The following GNB4 variants were observed in gnomAD, a reference collection of about 807,000 sequenced individuals.
The protein encoded by GNB4 is guanine nucleotide-binding protein subunit beta-4.
In GNB4, 28 loss-of-function variants were observed where a neutral mutation model predicts 45.2. That is an observed-to-expected ratio of 0.62 (90% CI 0.46 to 0.85). The LOEUF is 0.85. GNB4 is among the 40% of genes least tolerant of loss of function. The pLI is 0.00. For synonymous variants in GNB4, 132 were observed against 143.7 expected (o/e 0.92, Z 0.58); for missense variants, 321 against 425.4 (o/e 0.75, Z 2.16).
At chr3:179,442,580 G>A (rs570160460) in intron 1 of GNB4, among the ~76,000 whole-genome samples, 146 of 150,936 alleles carry the variant, frequency 9.7e-4, no homozygotes, top group Admixed American at 2.6e-3. Flanking sequence ...TTTTTTATAC[G>A]ACCACATGTA....
chr3:179,467,628 G>A, the GNB4 span, among the ~76,000 whole-genome samples: 8 of 152,102 alleles, frequency 5.3e-5, no homozygotes, highest in Non-Finnish European at 8.8e-5. Context: ...TTTACTCAAG[G>A]TTCAAGTCAT....
chr3:179,485,713 G>A, the GNB4 span, among the ~76,000 whole-genome samples: 103 of 152,136 alleles, frequency 6.8e-4, 1 homozygote, highest in Non-Finnish European at 8.4e-4. Flanking sequence ...GGCCGAGGTG[G>A]GTGGCTTACT....
chr3:179,482,395 G>A, the GNB4 span, among the ~76,000 whole-genome samples: 1 of 152,154 alleles, frequency 6.6e-6, no homozygotes, highest in Admixed American at 6.5e-5. Flanking sequence ...CTCTTGAGTG[G>A]TGATGACGCA....
chr3:179,481,489 T>TA, the GNB4 span, among the ~76,000 whole-genome samples: 4 of 151,956 alleles, frequency 2.6e-5, no homozygotes, highest in Non-Finnish European at 4.4e-5. Context: ...GCTTCTTTTA[T>TA]AAAAAACTTT....
the GNB4 span, among the ~76,000 whole-genome samples, chr3:179,519,840 T>C: frequency 6.6e-6 from 1 of 152,146 alleles, no homozygotes; most frequent in Admixed American, 6.5e-5. Flanking sequence ...CCCTGCTCAA[T>C]GCCAATATCC....
the GNB4 span, among the ~76,000 whole-genome samples, chr3:179,489,165 A>G: frequency 6.7e-6 from 1 of 150,204 alleles, no homozygotes; most frequent in Non-Finnish European, 1.5e-5. Flanking sequence ...ATATCAATTA[A>G]AAGGCATAGT....
chr3:179,415,009 G>A lies in GNB4; in HGVS notation c.306C>T (p.Thr102=). Residue 102 remains threonine, a synonymous_variant, in exon 6 of 10, where the codon ACC becomes ACT. Coordinates refer to ENST00000232564, the MANE Select transcript of GNB4 (RefSeq NM_021629.4). ...AIPLRSSWVM[T]CAYAPSGNYV... is the part of the protein sequence containing the mutation. ...AATTACCAGAGGGAGCATAAGCACA[G>A]GTCATCACCCAGGAGGACCTCAAAG... The A allele has an allele frequency of 6.2e-7, 1 of 1,609,416 alleles. No individual in the cohort carries two copies. Among genetic ancestry groups the A allele is most frequent in the Non-Finnish European group, 8.5e-7 (1 of 1,176,922 alleles).
chr3:179,486,951 A>G, the GNB4 span, among the ~76,000 whole-genome samples: 1 of 152,262 alleles, frequency 6.6e-6, no homozygotes, highest in Non-Finnish European at 1.5e-5. Context: ...ACTTCTTTCA[A>G]AAACATATTG....
chr3:179,526,493 C>A, the GNB4 span, among the ~76,000 whole-genome samples: 2 of 152,166 alleles, frequency 1.3e-5, no homozygotes, highest in African/African-American at 2.4e-5. Flanking sequence ...GATCAAATAT[C>A]CCTCAGAAGA....
rs116068524 is a variant in GNB4, at chr3:179,413,275, T to C, written c.699+137A>G. The C allele has an allele frequency of 3.8e-3, 2,556 of 668,664 alleles. 46 individuals carry two copies. In the African/African-American group the frequency reaches 0.041, roughly 11 times the overall value. The allele number at this position is 668,664 out of a possible 1,614,324, so 41.4% of individuals were successfully genotyped here. A position where few individuals can be genotyped will look rare whatever the true frequency, so the allele number is the denominator to read the frequency against. On this transcript the variant is annotated intron_variant, in intron 8 of 9. Coordinates refer to ENST00000232564, the MANE Select transcript of GNB4 (RefSeq NM_021629.4). The stretch of plus-strand genomic sequence containing the variant: ...TCTTTTTTAAAAAATCAAAAACCCT[T>C]ATGACTTGGAGATTCAAAGTTATAA...
At chr3:179,514,479 C>T in the GNB4 span, among the ~76,000 whole-genome samples, 2 of 152,164 alleles carry the variant, frequency 1.3e-5, no homozygotes, top group African/African-American at 4.8e-5. Flanking sequence ...GGGTGTGAAG[C>T]TGACAGAGTG....
chr3:179,420,926 T>C lies in GNB4; in HGVS notation c.59A>G (p.Asp20Gly), dbSNP rs1248718699. 2 of 1,575,566 alleles carry C rather than the reference T, an allele frequency of 1.3e-6. No individual in the cohort carries two copies. Among genetic ancestry groups the C allele is most frequent in the Admixed American group, 1.7e-5 (1 of 58,088 alleles). ...EAEQLRNQIQ[D>G]ARKACNDATL... ...TGCATCATTACATGCTTTCCGAGCA[T>C]CCTGAAGTAAAAAAATATGATTATA... The change falls in exon 3 of 10, where the codon GAT (aspartate) becomes GGT (glycine). Residue 20 changes from aspartate to glycine, a missense_variant and splice_region_variant. By Grantham distance (94) the Asp-to-Gly change is moderately conservative. Transcript: ENST00000232564.
At chr3:179,425,627 C>T (rs1338922334) in intron 2 of GNB4, among the ~76,000 whole-genome samples, 8 of 152,012 alleles carry the variant, frequency 5.3e-5, no homozygotes, top group East Asian at 1.9e-4. Context: ...TGCACCACCA[C>T]GCCTGGCTAA....
At chr3:179,478,800 C>A in the GNB4 span, among the ~76,000 whole-genome samples, 1 of 152,176 alleles carries the variant, frequency 6.6e-6, no homozygotes, top group South Asian at 2.1e-4. Flanking sequence ...GTGATTGGAT[C>A]ATGGGGCAGA....
At chr3:179,465,787 G>T in the GNB4 span, among the ~76,000 whole-genome samples, 2 of 146,396 alleles carry the variant, frequency 1.4e-5, no homozygotes, top group African/African-American at 2.5e-5. Context: ...GCCTTAAATA[G>T]ATAATTTTTT....
chr3:179,451,079 G>C (rs1392178349), intron 1 of GNB4: 1 of 152,166 alleles, frequency 6.6e-6, no homozygotes, highest in African/African-American at 2.4e-5. Flanking sequence ...TCCCCGGGGC[G>C]AGCGGTCTGG....
At chr3:179,424,343 A>T (rs764838735) in intron 2 of GNB4, among the ~76,000 whole-genome samples, 2 of 152,236 alleles carry the variant, frequency 1.3e-5, no homozygotes, top group Non-Finnish European at 2.9e-5. Context: ...GTGCAGTAAC[A>T]TCGAATTCAG....
intron 8 of GNB4, among the ~76,000 whole-genome samples, chr3:179,407,407 C>G (rs1044450635): frequency 1.3e-5 from 2 of 152,070 alleles, no homozygotes; most frequent in African/African-American, 4.8e-5. Context: ...TGCAGTGAGC[C>G]GAGATCATGC....
chr3:179,413,881 G>C, intron 6 of GNB4, 100 bp from the exon 7 acceptor site: 1 of 859,198 alleles, frequency 1.2e-6, no homozygotes, highest in Non-Finnish European at 1.8e-6. Flanking sequence ...GAATACTTGG[G>C]CAACAAGTGT....
Sources: allele counts gnomAD v4.1 joint callset (sites outside exome capture counted in the v4.1 genomes callset), GRCh38; gene constraint gnomAD v4.1.1; transcripts MANE v1.5; gene names NCBI Gene and HGNC (gene_info 2026-07-23, HGNC 2026-07-21).